MYO15A: variants seen among roughly 807,000 people sequenced by gnomAD.
MYO15A encodes the protein unconventional myosin-XV.
A neutral mutation model predicts 394.6 loss-of-function variants in MYO15A; 308 were observed. That is an observed-to-expected ratio of 0.78 (90% CI 0.71 to 0.86). MYO15A has a LOEUF of 0.86. Ranked by LOEUF, MYO15A falls within the 40% of genes least tolerant of loss-of-function variation. The probability of loss-of-function intolerance (pLI) is 0.00; values close to 1 mark genes in which losing one functional copy is unlikely to be tolerated. For synonymous variants in MYO15A, 1,957 were observed against 2,003.8 expected, an observed-to-expected ratio of 0.98 and a Z score of 0.62; for missense variants, 4,606 against 4,799.1, an observed-to-expected ratio of 0.96 and a Z score of 1.19.
rs779871596 is a variant in MYO15A, at chr17:18,122,047, A to G, written c.3247A>G (p.Thr1083Ala). The part of the protein sequence containing the change: ...ATWPPWHRWG[T>A]LPQAAAPLAP... ...ATGGCCACCATGGCACCGCTGGGGA[A>G]CACTGCCCCAAGCCGCAGCCCCCTT... The change falls in exon 2 of 66, where the codon ACA (threonine) becomes GCA (alanine). Residue 1083 changes from threonine (T) to alanine (A), a missense_variant. This residue lies in a region of MYO15A where 1,830 missense variants were observed against 1,689.7 expected (regional missense o/e 1.08). Transcript: ENST00000647165. The G allele has an allele frequency of 6.2e-7, 1 of 1,612,946 alleles. No homozygotes were observed. The highest frequency in any genetic ancestry group is 8.5e-7 in the Non-Finnish European group (1 of 1,180,000).
At chr17:18,174,652 G>A (rs892191722) in intron 65 of MYO15A, among the ~76,000 whole-genome samples, 3 of 152,156 alleles carry the variant, frequency 2.0e-5, no homozygotes, top group African/African-American at 4.8e-5. Flanking sequence ...CTAGACTCCT[G>A]TCCAAGTCTC....
At chr17:18,160,196 C>T (rs1045197956) in intron 56 of MYO15A, among the ~76,000 whole-genome samples, 179 bp downstream of exon 56, 1 of 152,222 alleles carries the variant, frequency 6.6e-6, no homozygotes, top group African/African-American at 2.4e-5. Context: ...ACCATTTCTG[C>T]TCTCTGAACT....
intron 51 of MYO15A, 71 bp downstream of exon 51, chr17:18,157,971 G>A: frequency 2.1e-6 from 3 of 1,439,852 alleles, no homozygotes; most frequent in Non-Finnish European, 2.7e-6. Context: ...GGGGTGAGGC[G>A]AGTGGGGATA....
rs749231278 is a variant in MYO15A at position 18,121,936 on chromosome 17, C to G, written c.3136C>G (p.Pro1046Ala). The change falls in exon 2 of 66, where the codon CCC becomes GCC. Residue 1046 changes from proline (P) to alanine (A), a missense_variant. Coordinates refer to ENST00000647165, the MANE Select transcript of MYO15A (RefSeq NM_016239.4). This position sits in a 1 kb window ranked among gnomAD's most constrained non-coding sequence, Gnocchi z 5.3. ...TGTCACTCCCCCCAAGGATATCACT[C>G]CCCCCAAGGATGTCCTCCCAGAGCA... Reference protein sequence around the residue: ...KDVTPPKDITPPKDVLPEQKT... With the variant: ...KDVTPPKDITAPKDVLPEQKT... 1 of 1,613,354 alleles carries G rather than the reference C, an allele frequency of 6.2e-7. No homozygotes were observed. Among genetic ancestry groups the G allele is most frequent in the Non-Finnish European group, 8.5e-7 (1 of 1,179,962 alleles).
Position 18,120,917 on chromosome 17 carries a change from C to G in MYO15A, c.2117C>G (p.Ala706Gly), listed in dbSNP as rs1362853742. 1.2e-5 allele frequency: 18 copies of G among 1,455,510 alleles called. No homozygotes were observed. Among genetic ancestry groups the G allele is most frequent in the Non-Finnish European group, 1.5e-5 (17 of 1,109,082 alleles). 90.2% of individuals were successfully genotyped at this position (1,455,510 alleles called of 1,614,324 possible). ...CGCCGCCACCCGCCGCCCTGGGCCG[C>G]CCCAGCGCACGTGCCACCGGCGCCG... ...SLRRHPPPWA[A>G]PAHVPPAPQA... Residue 706 changes from alanine to glycine, a missense_variant, in exon 2 of 66, where the codon GCC (alanine) becomes GGC (glycine). Ala to Gly is a moderately conservative substitution (Grantham distance 60). Coordinates refer to ENST00000647165, the MANE Select transcript of MYO15A (RefSeq NM_016239.4).
rs780184233 is a variant in MYO15A at position 18,158,631 on chromosome 17, A to G, written c.9076A>G (p.Arg3026Gly). The G allele has an allele frequency of 3.1e-6, 5 of 1,613,970 alleles. No homozygotes were observed. Residue 3026 changes from arginine (R) to glycine (G), a missense_variant, in exon 52 of 66, where the codon AGA (arginine) becomes GGA (glycine). Physicochemically the swap from Arg to Gly is moderately radical, Grantham distance 125. Around this residue, in one of 2 missense-constraint regions of MYO15A, gnomAD observed 2,776 missense variants for 3,109.3 expected, o/e 0.89. Transcript: ENST00000647165. The part of the protein sequence containing the change: ...AQKYFRDPQR[R>G]PQDGLRLKSK... ...GAAGTATTTCCGAGACCCTCAGAGG[A>G]GACCCCAGTGAGTGGCGGCCCCACC...
chr17:18,120,656 C>A lies in MYO15A; in HGVS notation c.1856C>A (p.Pro619His), dbSNP rs559233698. The change falls in exon 2 of 66, where the codon CCC becomes CAC. Residue 619 changes from proline (P) to histidine (H), a missense_variant. Pro to His is a moderately conservative substitution (Grantham distance 77). Transcript: ENST00000647165. Reference protein sequence around the residue: ...RFGYKLAGMDPEKPGTPIVLR... With the variant: ...RFGYKLAGMDHEKPGTPIVLR... ...GGCTACAAGCTGGCTGGCATGGACC[C>A]CGAGAAGCCCGGCACGCCCATCGTG... The A allele has an allele frequency of 1.9e-6, 3 of 1,590,920 alleles. 1 individual carries two copies. In the South Asian group the frequency reaches 3.4e-5, roughly 18 times the overall value.
In MYO15A at chr17:18,135,731, C is replaced by G; in HGVS notation, c.4503C>G (p.Ala1501=). The G allele has an allele frequency of 6.2e-7, 1 of 1,614,158 alleles. No homozygotes were observed. The highest frequency in any genetic ancestry group is 8.5e-7 in the Non-Finnish European group (1 of 1,180,014). The part of the protein sequence containing the change: ...EKYETDAQEV[A]SVVSAREIQA... ...CATAGACGGATGCACAGGAGGTGGC[C>G]TCAGTGGTGAGTGCCCGAGAGATCC... The change falls in exon 13 of 66, where the codon GCC becomes GCG. Residue 1501 remains alanine (A), a synonymous_variant. Coordinates refer to ENST00000647165, the MANE Select transcript of MYO15A (RefSeq NM_016239.4).
At chr17:18,149,821 C>T in intron 35 of MYO15A, 1 of 581,386 alleles carries the variant, frequency 1.7e-6, no homozygotes, top group Non-Finnish European at 3.1e-6. Context: ...GGTGTGGTGG[C>T]ATGCCTCTGT....
intron 60 of MYO15A, chr17:18,164,088 G>T: frequency 1.8e-6 from 1 of 556,766 alleles, no homozygotes; most frequent in Non-Finnish European, 3.2e-6. Flanking sequence ...TTGTCCCTCA[G>T]GACATGCTCA....
intron 60 of MYO15A, chr17:18,164,259 A>G: frequency 3.6e-6 from 1 of 280,880 alleles, no homozygotes; most frequent in South Asian, 3.4e-5. Flanking sequence ...CCGAGGTGTC[A>G]CTAGCCCCTC....
At chr17:18,143,503 T>C in intron 25 of MYO15A, 63 bp from the exon 26 acceptor site, 1 of 1,542,348 alleles carries the variant, frequency 6.5e-7, no homozygotes, top group African/African-American at 1.4e-5. Flanking sequence ...TGGCCTGGCC[T>C]GCCTGGGTGC....
At chr17:18,159,573 G>C (rs768313635) in intron 54 of MYO15A, 33 bp from the exon 55 acceptor site, 2 of 1,611,410 alleles carry the variant, frequency 1.2e-6, no homozygotes, top group South Asian at 2.2e-5. Context: ...CTGGGGGTTT[G>C]GTGGGTCTGA....
chr17:18,144,578 A>G lies in MYO15A; in HGVS notation c.6259A>G (p.Ser2087Gly), dbSNP rs2046443344. 2 of 1,612,548 alleles carry G rather than the reference A, an allele frequency of 1.2e-6. No individual in the cohort carries two copies. Among genetic ancestry groups the G allele is most frequent in the Non-Finnish European group, 1.7e-6 (2 of 1,180,000 alleles). The change falls in exon 29 of 66, where the codon AGC (serine) becomes GGC (glycine). Residue 2087 changes from serine to glycine, a missense_variant. Physicochemically the swap from Ser to Gly is moderately conservative, Grantham distance 56. Coordinates refer to ENST00000647165, the MANE Select transcript of MYO15A (RefSeq NM_016239.4). ...LPAEHHAEAV[S>G]IFKLILRFMG... ...AGCCGAGCACCATGCAGAAGCCGTG[A>G]GCATCTTCAAGCTGGTATGGGGTCT...
Position 18,119,114 on chromosome 17 carries a change from C to A in MYO15A, c.314C>A (p.Ser105Tyr). ...CGGGCGATGAAGGGCAAGAAGCCGT[C>A]CTTCATGGTGATCCGCTTCCCAGGC... ...KKRAMKGKKP[S>Y]FMVIRFPGRR... The change falls in exon 2 of 66, where the codon TCC becomes TAC. Residue 105 changes from serine (S) to tyrosine (Y), a missense_variant. Coordinates refer to ENST00000647165, the MANE Select transcript of MYO15A (RefSeq NM_016239.4). 1 of 1,612,038 alleles carries A rather than the reference C, an allele frequency of 6.2e-7. No individual in the cohort carries two copies. Among genetic ancestry groups the A allele is most frequent in the Non-Finnish European group, 8.5e-7 (1 of 1,179,668 alleles).
rs1241356576 is a variant in MYO15A at position 18,159,840 on chromosome 17, G to A, written c.9304-95G>A. On this transcript the variant is annotated intron_variant, in intron 55 of 65. Coordinates refer to ENST00000647165, the MANE Select transcript of MYO15A (RefSeq NM_016239.4). ...GAGGGGGCTGGGAAAGGGACACCAG[G>A]CCTGTCTTCAGGTGCCCACCCTGTT... 6 of 1,473,652 alleles carry A rather than the reference G, an allele frequency of 4.1e-6. No individual in the cohort carries two copies. The Admixed American group carries it at 1.1e-4, about 28-fold the overall frequency. 91.3% of individuals were successfully genotyped at this position (1,473,652 alleles called of 1,614,324 possible).
Position 18,118,869 on chromosome 17 carries a change from G to A in MYO15A, c.69G>A (p.Pro23=), listed in dbSNP as rs777314668. ...AGAAGGGGAAGAAGGCACCGGAGCC[G>A]GAGAAGCCCAAACGGAGCCTGAAGG... ...KGKKGKKAPE[P]EKPKRSLKGT... Residue 23 remains proline (P), a synonymous_variant, in exon 2 of 66, where the codon CCG becomes CCA. Transcript: ENST00000647165. 9 of 1,613,272 alleles carry A rather than the reference G, an allele frequency of 5.6e-6. No homozygotes were observed. In the East Asian group the frequency reaches 1.1e-4, roughly 20 times the overall value.
At chr17:18,156,077 A>T in intron 47 of MYO15A, 118 bp from the exon 48 acceptor site, 3 of 1,520,572 alleles carry the variant, frequency 2.0e-6, no homozygotes, top group Non-Finnish European at 1.8e-6. Flanking sequence ...GAGCTGGCAC[A>T]ATGGGGCCAA....
chr17:18,168,408 C>CA (rs1344935839), intron 62 of MYO15A, among the ~76,000 whole-genome samples: 3 of 151,718 alleles, frequency 2.0e-5, no homozygotes, highest in African/African-American at 7.3e-5. Flanking sequence ...ACTAAAACTA[C>CA]AAAAAATTAG....
Sources: allele counts gnomAD v4.1 joint callset (sites outside exome capture counted in the v4.1 genomes callset), GRCh38; gene constraint gnomAD v4.1.1; regional missense constraint gnomAD v4.1.1; non-coding constraint Gnocchi (gnomAD v3.1); transcripts MANE v1.5; gene names NCBI Gene and HGNC (gene_info 2026-07-23, HGNC 2026-07-21).